GALNT13: variants seen among roughly 807,000 people sequenced by gnomAD.
GALNT13 encodes the protein polypeptide N-acetylgalactosaminyltransferase 13, also known as UDP-GalNAc:polypeptide N-acetylgalactosaminyltransferase 13.
A neutral mutation model predicts 64.2 loss-of-function variants in GALNT13; 28 were observed. That is an observed-to-expected ratio of 0.44 (90% CI 0.32 to 0.60). GALNT13 has a LOEUF of 0.60. GALNT13 is among the 20% of genes least tolerant of loss of function. The pLI, the probability that GALNT13 is intolerant of heterozygous loss-of-function variation, is 0.05. For synonymous variants in GALNT13, 214 were observed against 224.6 expected (o/e 0.95, Z 0.42); for missense variants, 577 against 669.8 (o/e 0.86, Z 1.53).
chr2:153,629,798 C>G, the GALNT13 span, among the ~76,000 whole-genome samples: 8 of 145,826 alleles, frequency 5.5e-5, no homozygotes, highest in Admixed American at 6.8e-5. Context: ...AACAGATTTA[C>G]AAGAAAAAAG....
chr2:153,357,968 T>C, the GALNT13 span, among the ~76,000 whole-genome samples: 1 of 152,186 alleles, frequency 6.6e-6, no homozygotes, highest in Non-Finnish European at 1.5e-5. Flanking sequence ...ATATAGCTAG[T>C]TCATGATGGA....
chr2:153,068,710 T>C, the GALNT13 span, among the ~76,000 whole-genome samples: 1 of 152,188 alleles, frequency 6.6e-6, no homozygotes, highest in Admixed American at 6.5e-5. Flanking sequence ...TGTTGAGTGC[T>C]GTCCTGGATT....
the GALNT13 span, chr2:153,356,496 TGTTCATCAATGA>T: frequency 6.6e-6 from 1 of 152,156 alleles, no homozygotes; most frequent in Non-Finnish European, 1.5e-5. Context: ...CATACAAAAT[TGTTCATCAATGA>T]CTGGCCAATT....
the GALNT13 span, among the ~76,000 whole-genome samples, chr2:153,157,084 A>C: frequency 3.3e-5 from 5 of 152,194 alleles, no homozygotes; most frequent in East Asian, 9.6e-4. Context: ...ATGGAGAAGA[A>C]ATGTCTAGCA....
the GALNT13 span, among the ~76,000 whole-genome samples, chr2:153,483,693 G>T: frequency 6.6e-6 from 1 of 152,132 alleles, no homozygotes; most frequent in African/African-American, 2.4e-5. Context: ...TGGGATTATA[G>T]GTGTGAGCCA....
intron 9 of GALNT13, among the ~76,000 whole-genome samples, chr2:154,365,475 A>G (rs1002413436): frequency 2.0e-5 from 3 of 152,240 alleles, no homozygotes; most frequent in African/African-American, 4.8e-5. Context: ...TTTATTATAA[A>G]AAGTTCCACA....
chr2:154,302,825 A>T (rs1693518796), intron 9 of GALNT13, among the ~76,000 whole-genome samples: 1 of 152,146 alleles, frequency 6.6e-6, no homozygotes, highest in Non-Finnish European at 1.5e-5. Context: ...ATGAAGTATC[A>T]TTGGTGGCCA....
the GALNT13 span, among the ~76,000 whole-genome samples, chr2:153,577,915 T>C: frequency 6.6e-6 from 1 of 151,198 alleles, no homozygotes; most frequent in African/African-American, 2.4e-5. Flanking sequence ...TATATATATA[T>C]ATATTTTTAA....
chr2:153,310,984 T>G, the GALNT13 span, among the ~76,000 whole-genome samples: 1 of 152,226 alleles, frequency 6.6e-6, no homozygotes, highest in Non-Finnish European at 1.5e-5. Context: ...AAACTTGTGA[T>G]GCCTTTTAAA....
the GALNT13 span, among the ~76,000 whole-genome samples, chr2:153,092,245 C>T: frequency 6.6e-6 from 1 of 152,078 alleles, no homozygotes; most frequent in Non-Finnish European, 1.5e-5. Flanking sequence ...ATGACTGTGG[C>T]TCTAGAGTAT....
At chr2:153,398,384 C>T in the GALNT13 span, among the ~76,000 whole-genome samples, 8 of 152,124 alleles carry the variant, frequency 5.3e-5, no homozygotes, top group East Asian at 3.9e-4. Context: ...AATAAACATA[C>T]GTGTGCATGT....
chr2:153,707,188 C>T, the GALNT13 span, among the ~76,000 whole-genome samples: 49 of 152,200 alleles, frequency 3.2e-4, no homozygotes, highest in African/African-American at 1.2e-3. Flanking sequence ...TGTAAATTGC[C>T]CAGTCTCGGG....
At chr2:153,756,060 T>A in the GALNT13 span, among the ~76,000 whole-genome samples, 1 of 152,126 alleles carries the variant, frequency 6.6e-6, no homozygotes, top group South Asian at 2.1e-4. Flanking sequence ...AAATAACTTA[T>A]AAGATTATAT....
intron 4 of GALNT13, among the ~76,000 whole-genome samples, chr2:154,178,173 A>G (rs1021124294): frequency 7.9e-5 from 12 of 152,116 alleles, no homozygotes; most frequent in Admixed American, 4.6e-4. Context: ...GTGCTAAGAT[A>G]AGGTAGAAAC....
the GALNT13 span, among the ~76,000 whole-genome samples, chr2:153,688,620 C>G: frequency 6.6e-6 from 1 of 151,880 alleles, no homozygotes; most frequent in African/African-American, 2.4e-5. Context: ...AAAGGTAGGT[C>G]TAAAATTCTA....
At chr2:154,044,431 T>A (rs1274929691) in intron 3 of GALNT13, among the ~76,000 whole-genome samples, 1 of 152,202 alleles carries the variant, frequency 6.6e-6, no homozygotes, top group Non-Finnish European at 1.5e-5. Flanking sequence ...GTGTCAGTCA[T>A]GTAGCAAGAT....
chr2:153,745,978 G>C, the GALNT13 span, among the ~76,000 whole-genome samples: 2 of 152,114 alleles, frequency 1.3e-5, no homozygotes, highest in Admixed American at 1.3e-4. Flanking sequence ...TATGATACCT[G>C]GCCATAATAT....
intron 4 of GALNT13, among the ~76,000 whole-genome samples, chr2:154,196,715 A>G (rs1430224044): frequency 6.6e-6 from 1 of 152,228 alleles, no homozygotes; most frequent in South Asian, 2.1e-4. Context: ...TATAAATTCA[A>G]CCATGTTTCA....
chr2:153,988,911 AT>A (rs1258612846), intron 3 of GALNT13, among the ~76,000 whole-genome samples: 1 of 152,100 alleles, frequency 6.6e-6, no homozygotes, highest in African/African-American at 2.4e-5. Context: ...AAAATGGAGA[AT>A]TCCTTCTCTT....
Sources: gnomAD v4.1 joint callset for allele counts (sites outside exome capture counted in the v4.1 genomes callset) on GRCh38, gnomAD v4.1.1 for gene constraint, MANE v1.5 for transcripts, NCBI Gene and HGNC (gene_info 2026-07-23, HGNC 2026-07-21) for gene names.